Variants in MYO16 observed in about 807,000 individuals in gnomAD.
MYO16 encodes unconventional myosin-XVI.
A neutral mutation model predicts 205.3 loss-of-function variants in MYO16; 94 were observed. The ratio of observed to expected loss-of-function variants is 0.46; its 90% CI spans 0.39 to 0.54. MYO16 has a LOEUF of 0.54. Among genes scored for constraint, MYO16 ranks in the 20% least tolerant of loss-of-function variants. The pLI is 0.00. For missense variants in MYO16, 2,315 were observed against 2,387.5 expected (o/e 0.97, Z 0.63); for synonymous variants, 988 against 954.0 (o/e 1.04, Z -0.66).
intron 16 of MYO16, among the ~76,000 whole-genome samples, chr13:108,911,219 A>G (rs1198351167): frequency 7.0e-6 from 1 of 143,106 alleles, no homozygotes; most frequent in African/African-American, 2.5e-5. Context: ...CCTGCAAAAA[A>G]ATATCTCCAG....
chr13:109,066,140 G>T (rs907551727), intron 27 of MYO16, among the ~76,000 whole-genome samples: 1 of 152,156 alleles, frequency 6.6e-6, no homozygotes, highest in Non-Finnish European at 1.5e-5. Context: ...GATGAAAGAA[G>T]ACACACTTCC....
At chr13:109,083,383 C>CAAAAAAAAAAAAAA (rs71125367) in intron 27 of MYO16, among the ~76,000 whole-genome samples, 1 of 52,296 alleles carries the variant, frequency 1.9e-5, no homozygotes, top group Non-Finnish European at 3.2e-5. Context: ...AACTCCGTCT[C>CAAAAAAAAAAAAAA]AAAAAAAAAA....
the MYO16 span, among the ~76,000 whole-genome samples, chr13:108,549,484 G>A: frequency 6.6e-6 from 1 of 151,870 alleles, no homozygotes; most frequent in Admixed American, 6.6e-5. Flanking sequence ...TAATAAATCT[G>A]TGTTGTCTTA....
intron 1 of MYO16, among the ~76,000 whole-genome samples, chr13:108,605,168 C>A (rs1340255660): frequency 1.3e-5 from 2 of 152,132 alleles, no homozygotes; most frequent in Non-Finnish European, 2.9e-5. Flanking sequence ...TCTTAAAGGA[C>A]TGACTCTTAG....
intron 12 of MYO16, among the ~76,000 whole-genome samples, chr13:108,875,500 T>G (rs1045413635): frequency 1.3e-5 from 2 of 152,154 alleles, no homozygotes; most frequent in Non-Finnish European, 2.9e-5. Context: ...GTGGTAGTAA[T>G]GGACTATTCC....
intron 28 of MYO16, chr13:109,101,702 G>C (rs770291659): frequency 2.6e-5 from 4 of 152,180 alleles, no homozygotes; most frequent in Non-Finnish European, 5.9e-5. Flanking sequence ...TTATTTGGAA[G>C]TTTCTTGCTG....
chr13:109,133,230 CT>C (rs1876621140), intron 31 of MYO16, among the ~76,000 whole-genome samples: 1 of 152,194 alleles, frequency 6.6e-6, no homozygotes, highest in African/African-American at 2.4e-5. Flanking sequence ...AATTAAGCAT[CT>C]TTTTTGTCCT....
intron 2 of MYO16, among the ~76,000 whole-genome samples, chr13:108,703,011 G>T (rs1218318904): frequency 6.6e-6 from 1 of 152,046 alleles, no homozygotes; most frequent in Non-Finnish European, 1.5e-5. Flanking sequence ...AGCAATGGGG[G>T]CATAGAAGAA....
intron 22 of MYO16, among the ~76,000 whole-genome samples, chr13:109,018,878 G>C (rs1885923967): frequency 6.6e-6 from 1 of 151,996 alleles, no homozygotes. Flanking sequence ...AGTTGGAAAT[G>C]CAGAAATCAC....
At chr13:108,748,858 A>G (rs35983230) in intron 4 of MYO16, among the ~76,000 whole-genome samples, 20,730 of 152,194 alleles carry the variant, frequency 0.14, 1,522 homozygotes, top group Non-Finnish European at 0.16. Context: ...ATAAAATGTA[A>G]CACTTTAAAA....
intron 22 of MYO16, among the ~76,000 whole-genome samples, chr13:109,009,946 A>G (rs950877892): frequency 1.3e-5 from 2 of 152,200 alleles, no homozygotes; most frequent in Non-Finnish European, 2.9e-5. Context: ...TGTATACTTA[A>G]TTGTATACGG....
chr13:108,743,691 C>T (rs1220486468), intron 4 of MYO16, among the ~76,000 whole-genome samples: 2 of 152,132 alleles, frequency 1.3e-5, no homozygotes, highest in Non-Finnish European at 2.9e-5. Flanking sequence ...GTGGAGTGTG[C>T]CCTGTTCTGT....
At chr13:108,827,995 T>C (rs1193714455) in intron 9 of MYO16, among the ~76,000 whole-genome samples, 1 of 152,162 alleles carries the variant, frequency 6.6e-6, no homozygotes, top group African/African-American at 2.4e-5. Context: ...AAGGGTTTTT[T>C]TTACTTATTA....
At chr13:109,161,302 A>G (rs1487857821) in intron 32 of MYO16, among the ~76,000 whole-genome samples, 1 of 152,206 alleles carries the variant, frequency 6.6e-6, no homozygotes, top group East Asian at 1.9e-4. Context: ...TACATCAACA[A>G]ATGAAACAGT....
At chr13:108,711,530 C>G (rs1053543735) in intron 2 of MYO16, among the ~76,000 whole-genome samples, 2 of 152,196 alleles carry the variant, frequency 1.3e-5, no homozygotes, top group Admixed American at 6.5e-5. Flanking sequence ...GGCCTGTCTC[C>G]CTCATCACAC....
chr13:108,704,949 A>ATC (rs1566560887), intron 2 of MYO16, among the ~76,000 whole-genome samples: 1 of 150,002 alleles, frequency 6.7e-6, no homozygotes, highest in Non-Finnish European at 1.5e-5. Context: ...AAAAAAAAAA[A>ATC]CAAAAAAAAA....
chr13:108,671,743 T>C (rs1881996631), intron 2 of MYO16, among the ~76,000 whole-genome samples: 1 of 152,158 alleles, frequency 6.6e-6, no homozygotes, highest in South Asian at 2.1e-4. Context: ...GACAGGGAAG[T>C]CCAAGATCAA....
the MYO16 span, among the ~76,000 whole-genome samples, chr13:108,564,504 G>A: frequency 6.6e-6 from 1 of 151,986 alleles, no homozygotes; most frequent in Admixed American, 6.6e-5. Context: ...GATTAGATTT[G>A]TTTTTCTATA....
intron 11 of MYO16, among the ~76,000 whole-genome samples, chr13:108,859,030 C>T (rs36053380): frequency 0.031 from 4,795 of 152,244 alleles, 117 homozygotes; most frequent in Non-Finnish European, 0.049. Context: ...TGGAGGCCAG[C>T]CCCCAGTCTA....
Sources: allele counts gnomAD v4.1 joint callset (sites outside exome capture counted in the v4.1 genomes callset), GRCh38; gene constraint gnomAD v4.1.1; transcripts MANE v1.5; gene names NCBI Gene and HGNC (gene_info 2026-07-23, HGNC 2026-07-21).